COL23A1: variants seen among roughly 807,000 people sequenced by gnomAD.
The protein encoded by COL23A1 is collagen alpha-1(XXIII) chain.
A neutral mutation model predicts 99.3 loss-of-function variants in COL23A1; 97 were observed. That is an observed-to-expected ratio of 0.98 (90% CI 0.83 to 1.16). The LOEUF (loss-of-function observed/expected upper bound fraction) is 1.16. COL23A1 is among the 50% of genes most tolerant of loss of function. COL23A1 has a pLI of 0.00. For missense variants in COL23A1, 762 were observed against 757.4 expected (o/e 1.01, Z -0.07); for synonymous variants, 320 against 308.2 (o/e 1.04, Z -0.40).
At chr5:178,455,820 G>A (rs532484267) in intron 2 of COL23A1, among the ~76,000 whole-genome samples, 13 of 151,864 alleles carry the variant, frequency 8.6e-5, no homozygotes, top group Admixed American at 6.6e-4. Context: ...CAGCTCGCCC[G>A]CCCATCAGGA....
chr5:178,397,427 C>T (rs1461417877), intron 2 of COL23A1, among the ~76,000 whole-genome samples: 1 of 152,152 alleles, frequency 6.6e-6, no homozygotes, highest in East Asian at 1.9e-4. Flanking sequence ...AAAAGTACAG[C>T]GAGGATTCAG....
Position 178,367,998 on chromosome 5 carries a change from G to A in COL23A1, c.362-61079C>T, listed in dbSNP as rs369535175. Among the ~76,000 whole-genome samples the A allele has an allele frequency of 9.2e-5, 14 of 152,190 alleles. No homozygotes were observed. The East Asian group carries it at 1.2e-3, about 13-fold the overall frequency. On this transcript the variant is annotated intron_variant, in intron 2 of 28. Coordinates refer to ENST00000390654, the MANE Select transcript of COL23A1 (RefSeq NM_173465.4). ...CTAAGGGAGACGTTGTGTGCACTGC[G>A]GAAATGCACGGGGCCAGTGGCGCAT...
In COL23A1 at chr5:178,308,665, C is replaced by T. The variant is rs753774859; in HGVS notation, c.362-1746G>A. On this transcript the variant is annotated intron_variant, in intron 2 of 28. Coordinates refer to ENST00000390654, the MANE Select transcript of COL23A1 (RefSeq NM_173465.4). The surrounding 1 kb of genome is among the most constrained non-coding windows in gnomAD (Gnocchi z 5.1). ...TTCCTATCTCCACGTGCTTGTCCCA[C>T]CAGCATCTCAGACCAGTTGTGGCCC... is the stretch of plus-strand genomic sequence containing the variant. Among the ~76,000 whole-genome samples the T allele has an allele frequency of 1.3e-5, 2 of 152,230 alleles. No individual in the cohort carries two copies. The highest frequency in any genetic ancestry group is 2.9e-5 in the Non-Finnish European group (2 of 68,046).
At position 178,412,267 on chromosome 5, in the gene COL23A1, T is replaced by C. The variant is rs181916624; in HGVS notation, c.362-105348A>G. On this transcript the variant is annotated intron_variant, in intron 2 of 28. Transcript: ENST00000390654. ...ATAAGGTATGAGTAGTGTGACCTCA[T>C]TTGTGTGAGTTTGTGGAGCATGGAT... 3.3e-3 allele frequency among the ~76,000 whole-genome samples: 503 copies of C among 152,356 alleles called. 9 individuals carry two copies. The highest frequency in any genetic ancestry group is 0.012 in the African/African-American group (481 of 41,580).
At chr5:178,356,729 G>A (rs896892220) in intron 2 of COL23A1, among the ~76,000 whole-genome samples, 2 of 152,174 alleles carry the variant, frequency 1.3e-5, no homozygotes, top group Non-Finnish European at 2.9e-5. Flanking sequence ...GGAGGCACGC[G>A]CCAAACCCAG....
Position 178,384,233 on chromosome 5 carries a change from AGC to A in COL23A1, c.362-77316_362-77315del, listed in dbSNP as rs1763544909. On this transcript the variant is annotated intron_variant, in intron 2 of 28. Transcript: ENST00000390654. The surrounding 1 kb of genome is among the most constrained non-coding windows in gnomAD (Gnocchi z 5.5). Reference sequence around the variant, plus strand: ...TGGAGCCAGACGCTGCTGCGAGCTGAGCTGCGATCGCAAATGCACGCAGCTCC... The same window carrying A: ...TGGAGCCAGACGCTGCTGCGAGCTGATGCGATCGCAAATGCACGCAGCTCC... Among the ~76,000 whole-genome samples the A allele has an allele frequency of 9.2e-5, 14 of 152,188 alleles. No homozygotes were observed. The highest frequency in any genetic ancestry group is 7.8e-4 in the Admixed American group (12 of 15,288).
chr5:178,309,777 C>T lies in COL23A1; in HGVS notation c.362-2858G>A, dbSNP rs565890561. Among the ~76,000 whole-genome samples the T allele has an allele frequency of 1.1e-3, 169 of 152,154 alleles. No homozygotes were observed. The highest frequency in any genetic ancestry group is 3.9e-3 in the African/African-American group (162 of 41,514). On this transcript the variant is annotated intron_variant, in intron 2 of 28. Coordinates refer to ENST00000390654, the MANE Select transcript of COL23A1 (RefSeq NM_173465.4). This position sits in a 1 kb window ranked among gnomAD's most constrained non-coding sequence, Gnocchi z 4.7. ...TTCTCAGCATCAGGCGAACGCTGCCCCTGCACTCAGTCCCCCACTCTGCCA... is the reference window on the plus strand; with the variant it reads ...TTCTCAGCATCAGGCGAACGCTGCCTCTGCACTCAGTCCCCCACTCTGCCA...
At chr5:178,587,246 G>C (rs899736041) in intron 1 of COL23A1, among the ~76,000 whole-genome samples, 2 of 152,152 alleles carry the variant, frequency 1.3e-5, no homozygotes, top group African/African-American at 4.8e-5. Context: ...ATCGTTCATG[G>C]CTCTTACTCA....
intron 2 of COL23A1, among the ~76,000 whole-genome samples, chr5:178,506,358 G>GT (rs1221880046): frequency 9.2e-5 from 14 of 152,186 alleles, no homozygotes; most frequent in Admixed American, 2.6e-4. Flanking sequence ...CAGCTGGTGC[G>GT]TGCACTCCAG....
chr5:178,436,027 C>T (rs139815718), intron 2 of COL23A1, among the ~76,000 whole-genome samples: 2 of 152,220 alleles, frequency 1.3e-5, no homozygotes, highest in African/African-American at 4.8e-5. Context: ...AGCAAGCATG[C>T]TTAATTCTGC....
chr5:178,579,787 T>A (rs1190161087), intron 1 of COL23A1, among the ~76,000 whole-genome samples: 3 of 151,948 alleles, frequency 2.0e-5, no homozygotes, highest in African/African-American at 7.2e-5. Context: ...CACGCATCCA[T>A]CACTTACAGA....
intron 12 of COL23A1, among the ~76,000 whole-genome samples, chr5:178,259,168 G>A (rs983075682): frequency 1.3e-4 from 20 of 152,114 alleles, no homozygotes; most frequent in African/African-American, 3.9e-4. Flanking sequence ...TGATCCTTCT[G>A]TCTTGGCCCC....
At chr5:178,470,373 C>G (rs184258049) in intron 2 of COL23A1, among the ~76,000 whole-genome samples, 6 of 152,170 alleles carry the variant, frequency 3.9e-5, no homozygotes, top group Non-Finnish European at 8.8e-5. Flanking sequence ...GCCGAGCAGA[C>G]CCCTGGAAAC....
intron 2 of COL23A1, among the ~76,000 whole-genome samples, chr5:178,358,571 ATGTGTATGTGTATGTG>A (rs1761969405): frequency 7.4e-6 from 1 of 135,960 alleles, no homozygotes; most frequent in Non-Finnish European, 1.6e-5. Context: ...TGTATGTCTA[ATGTGTATGTGTATGTG>A]TGTGTATGTG....
intron 2 of COL23A1, among the ~76,000 whole-genome samples, chr5:178,399,230 CT>C (rs1271449419): frequency 6.6e-6 from 1 of 152,230 alleles, no homozygotes; most frequent in African/African-American, 2.4e-5. Context: ...TCTGCTGCCC[CT>C]CCCTCCCTCA....
chr5:178,493,183 C>A (rs1758020854), intron 2 of COL23A1, among the ~76,000 whole-genome samples: 1 of 152,186 alleles, frequency 6.6e-6, no homozygotes. Context: ...GCACCCTCAG[C>A]TCCCATCTTC....
rs2127610389 is a variant in COL23A1, at chr5:178,310,598, G to A, written c.362-3679C>T. On this transcript the variant is annotated intron_variant, in intron 2 of 28. Coordinates refer to ENST00000390654, the MANE Select transcript of COL23A1 (RefSeq NM_173465.4). The surrounding 1 kb of genome is among the most constrained non-coding windows in gnomAD (Gnocchi z 4.3). ...ATAGTCTGTGGCTCCCAAGTGCAAG[G>A]ACAGTTGTGTCCCATATGCTGAGCT... is the stretch of plus-strand genomic sequence containing the variant. Among the ~76,000 whole-genome samples, 1 of 152,262 alleles carries A rather than the reference G, an allele frequency of 6.6e-6. No individual in the cohort carries two copies. The highest frequency in any genetic ancestry group is 1.5e-5 in the Non-Finnish European group (1 of 68,018).
At chr5:178,585,555 T>C in intron 1 of COL23A1, among the ~76,000 whole-genome samples, 1 of 75,260 alleles carries the variant, frequency 1.3e-5, no homozygotes, top group Non-Finnish European at 3.3e-5. Flanking sequence ...ACAGCCCTGG[T>C]TGATGCTGGG....
chr5:178,409,288 C>T (rs1199496446), intron 2 of COL23A1, among the ~76,000 whole-genome samples: 1 of 152,150 alleles, frequency 6.6e-6, no homozygotes, highest in Non-Finnish European at 1.5e-5. Context: ...GGGCATCATG[C>T]TGAGTGAGAA....
Sources: allele counts gnomAD v4.1 joint callset (sites outside exome capture counted in the v4.1 genomes callset), GRCh38; gene constraint gnomAD v4.1.1; non-coding constraint Gnocchi (gnomAD v3.1); transcripts MANE v1.5; gene names NCBI Gene and HGNC (gene_info 2026-07-23, HGNC 2026-07-21).